Variants in IQCK observed in about 807,000 individuals in gnomAD.
IQCK encodes IQ domain-containing protein K.
A neutral mutation model predicts 28.1 loss-of-function variants in IQCK; 29 were observed. The ratio of observed to expected loss-of-function variants is 1.03; its 90% confidence interval spans 0.77 to 1.41. The LOEUF is 1.41. Ranked by LOEUF, IQCK falls within the 40% of genes most tolerant of loss-of-function variation. The pLI is 0.00. For missense variants in IQCK, 359 were observed against 314.7 expected (o/e 1.14, Z -1.07); for synonymous variants, 113 against 115.1 (o/e 0.98, Z 0.12).
chr16:19,856,090 GATACCC>G (rs1237673601), intron 9 of IQCK, among the ~76,000 whole-genome samples: 1 of 152,172 alleles, frequency 6.6e-6, no homozygotes, highest in Non-Finnish European at 1.5e-5. Context: ...TGCCCCCAGT[GATACCC>G]TGAGTTTTCC....
intron 4 of IQCK, among the ~76,000 whole-genome samples, chr16:19,750,116 A>T (rs2054965711): frequency 2.0e-5 from 3 of 152,058 alleles, no homozygotes; most frequent in African/African-American, 4.8e-5. Context: ...TGCTTCAGAT[A>T]AGGGAGTTTA....
intron 1 of IQCK, among the ~76,000 whole-genome samples, chr16:19,725,928 T>C (rs963414507): frequency 6.6e-6 from 1 of 151,382 alleles, no homozygotes; most frequent in Non-Finnish European, 1.5e-5. Context: ...TTCTTTTTTT[T>C]TTTTGGAGAT....
intron 1 of IQCK, among the ~76,000 whole-genome samples, chr16:19,723,826 A>T (rs986751460): frequency 1.3e-5 from 2 of 152,062 alleles, no homozygotes; most frequent in Non-Finnish European, 2.9e-5. Flanking sequence ...CAGGCATGGC[A>T]GTGTGCACCT....
At chr16:19,718,543 G>C in intron 1 of IQCK, 56 bp downstream of exon 1, 1 of 1,454,898 alleles carries the variant, frequency 6.9e-7, no homozygotes, top group Non-Finnish European at 9.1e-7. Context: ...GACGGGGGCC[G>C]CGTTTGGGGA....
chr16:19,821,198 A>G (rs536987896), intron 7 of IQCK, among the ~76,000 whole-genome samples: 4 of 152,250 alleles, frequency 2.6e-5, no homozygotes, highest in Non-Finnish European at 5.9e-5. Flanking sequence ...AATTAAATTA[A>G]ATTAAAAATG....
intron 7 of IQCK, among the ~76,000 whole-genome samples, chr16:19,801,398 G>A (rs1285883982): frequency 8.7e-6 from 1 of 115,558 alleles, no homozygotes; most frequent in Non-Finnish European, 1.6e-5. Context: ...TCCGCCTGCT[G>A]GGCTCAAGTG....
intron 7 of IQCK, among the ~76,000 whole-genome samples, chr16:19,823,255 C>T (rs970831138): frequency 6.6e-6 from 1 of 152,144 alleles, no homozygotes; most frequent in African/African-American, 2.4e-5. Flanking sequence ...GGCTTGGTGG[C>T]ATCCCCATGG....
At chr16:19,734,837 T>C (rs1977960687) in intron 3 of IQCK, among the ~76,000 whole-genome samples, 1 of 151,922 alleles carries the variant, frequency 6.6e-6, no homozygotes, top group South Asian at 2.1e-4. Context: ...TTCCCTGCTT[T>C]GTGTGTGGAA....
intron 4 of IQCK, among the ~76,000 whole-genome samples, chr16:19,745,844 T>A (rs932203117): frequency 6.6e-6 from 1 of 152,164 alleles, no homozygotes; most frequent in Admixed American, 6.6e-5. Flanking sequence ...TGGTGCTGCC[T>A]GCTAGCTGGG....
downstream of IQCK, among the ~76,000 whole-genome samples, chr16:19,828,197 C>T (rs1254394344): frequency 6.6e-6 from 1 of 151,010 alleles, no homozygotes; most frequent in Non-Finnish European, 1.5e-5. Context: ...CAGGCATGAG[C>T]CAGCGCGCCT....
Position 19,791,489 on chromosome 16 carries a change from C to T in IQCK, c.690+2567C>T, listed in dbSNP as rs192260157. 6.2e-5 allele frequency among the ~76,000 whole-genome samples: 7 copies of T among 113,334 alleles called. No homozygotes were observed. The East Asian group carries it at 1.1e-3, about 18-fold the overall frequency. The allele number at this position is 113,334 out of a possible 152,430, so 74.4% of individuals were successfully genotyped here. ...CTTGAAACAGGTGTGTGCTGTCAAA[C>T]GAAATCATACCCAGAAGCCCAGTAT... On this transcript the variant is annotated intron_variant, in intron 7 of 7. Transcript: ENST00000564186.
In IQCK at chr16:19,733,826, A is replaced by ATG; in HGVS notation, c.376+2_376+3dup. ...AATCGGAAACAATCAACCCAAAAAC[A>ATG]TGTGAGTAAGAGAGATGCCATCTTT... On this transcript the variant is annotated frameshift_variant and splice_region_variant, in exon 3 of 8. Coordinates refer to ENST00000564186, the Ensembl canonical transcript of IQCK. LOFTEE classifies it high-confidence loss of function. 6.2e-7 allele frequency: 1 copy of ATG among 1,613,856 alleles called. No individual in the cohort carries two copies. Among genetic ancestry groups the ATG allele is most frequent in the Non-Finnish European group, 8.5e-7 (1 of 1,179,776 alleles).
At chr16:19,721,327 C>A (rs1977488820) in intron 1 of IQCK, among the ~76,000 whole-genome samples, 1 of 152,198 alleles carries the variant, frequency 6.6e-6, no homozygotes, top group African/African-American at 2.4e-5. Context: ...ATCTAACTTA[C>A]ACAGACCTTA....
intron 6 of IQCK, among the ~76,000 whole-genome samples, chr16:19,774,397 A>C (rs893471613): frequency 5.0e-5 from 6 of 120,532 alleles, no homozygotes; most frequent in African/African-American, 2.3e-4. Flanking sequence ...TTTAGCTAAT[A>C]CTTTTTTTTT....
chr16:19,824,280 A>G (rs1023642672), intron 7 of IQCK, among the ~76,000 whole-genome samples: 1 of 152,230 alleles, frequency 6.6e-6, no homozygotes, highest in African/African-American at 2.4e-5. Context: ...AGGAACATGC[A>G]GCCTAGATCC....
At chr16:19,752,810 TGCCTCA>T (rs774099608) in intron 4 of IQCK, among the ~76,000 whole-genome samples, 40 of 152,138 alleles carry the variant, frequency 2.6e-4, no homozygotes, top group Non-Finnish European at 4.7e-4. Flanking sequence ...ATGATCCACT[TGCCTCA>T]GCCTCCCAAA....
chr16:19,821,500 G>A lies in IQCK; in HGVS notation c.691-5526G>A, dbSNP rs529863451. Among the ~76,000 whole-genome samples the A allele has an allele frequency of 1.8e-3, 276 of 152,336 alleles. 1 individual carries two copies. The highest frequency in any genetic ancestry group is 3.1e-3 in the Non-Finnish European group (211 of 68,036). On this transcript the variant is annotated intron_variant, in intron 7 of 7. Coordinates refer to ENST00000564186, the Ensembl canonical transcript of IQCK. ...GGATCACCTGAGGTCAGGAGTTCAA[G>A]ACCAGCCTGGCCAACATGGTGAAAC...
intron 4 of IQCK, chr16:19,736,057 C>G: frequency 1.1e-5 from 5 of 454,248 alleles, no homozygotes; most frequent in South Asian, 6.2e-5. Context: ...TAGCAAGACC[C>G]TCAACTCAAA....
intron 7 of IQCK, among the ~76,000 whole-genome samples, chr16:19,808,742 C>G (rs1353175742): frequency 6.6e-6 from 1 of 152,198 alleles, no homozygotes; most frequent in Non-Finnish European, 1.5e-5. Flanking sequence ...AAGTGTGAGG[C>G]CCTTGTAAGC....
Sources: allele counts gnomAD v4.1 joint callset (sites outside exome capture counted in the v4.1 genomes callset), GRCh38; gene constraint gnomAD v4.1.1; transcripts MANE v1.5; gene names NCBI Gene and HGNC (gene_info 2026-07-23, HGNC 2026-07-21).